Variants in PLEKHA8 observed in about 807,000 individuals in gnomAD.
The protein encoded by PLEKHA8 is pleckstrin homology domain containing A8.
In PLEKHA8, 36 loss-of-function variants were observed where a neutral mutation model predicts 68.2. The ratio of observed to expected loss-of-function variants is 0.53; its 90% CI spans 0.40 to 0.70. The LOEUF (loss-of-function observed/expected upper bound fraction) is 0.70. Among genes scored for constraint, PLEKHA8 ranks in the 30% least tolerant of loss-of-function variants. The probability of loss-of-function intolerance (pLI) is 0.00; values close to 1 mark genes in which losing one functional copy is unlikely to be tolerated. For missense variants in PLEKHA8, 505 were observed against 615.4 expected, an observed-to-expected ratio of 0.82 and a Z score of 1.90; for synonymous variants, 211 against 216.1, an observed-to-expected ratio of 0.98 and a Z score of 0.20.
intron 1 of PLEKHA8, among the ~76,000 whole-genome samples, chr7:30,035,666 A>G (rs1791007828): frequency 1.3e-5 from 2 of 151,886 alleles, no homozygotes; most frequent in African/African-American, 4.8e-5. Context: ...TTATTTTGAG[A>G]TGGAGTGTTG....
intron 13 of PLEKHA8, among the ~76,000 whole-genome samples, chr7:30,126,044 A>C (rs1274271794): frequency 6.6e-6 from 1 of 151,986 alleles, no homozygotes; most frequent in Non-Finnish European, 1.5e-5. Context: ...TACCAGTTAT[A>C]AATTAAAAAC....
chr7:30,034,508 T>C (rs190593554), intron 1 of PLEKHA8, among the ~76,000 whole-genome samples: 1 of 152,166 alleles, frequency 6.6e-6, no homozygotes, highest in Admixed American at 6.5e-5. Flanking sequence ...TTAACACATA[T>C]GTTATGTCAT....
chr7:30,118,612 C>G (rs1250524906), intron 13 of PLEKHA8, among the ~76,000 whole-genome samples: 1 of 149,280 alleles, frequency 6.7e-6, no homozygotes, highest in Non-Finnish European at 1.5e-5. Context: ...GAGTCTTGCT[C>G]TGTCGCCCAG....
intron 8 of PLEKHA8, 45 bp downstream of exon 8, chr7:30,054,910 C>G (rs1397792144): frequency 7.9e-6 from 12 of 1,519,662 alleles, no homozygotes; most frequent in African/African-American, 2.8e-5. Flanking sequence ...ATACTAACTT[C>G]CATTCTGGAA....
chr7:30,123,736 A>T (rs1224927138), intron 13 of PLEKHA8, among the ~76,000 whole-genome samples: 2 of 152,214 alleles, frequency 1.3e-5, no homozygotes, highest in Non-Finnish European at 2.9e-5. Context: ...GAGCCAGCAC[A>T]GAGGAAAACA....
In PLEKHA8 at chr7:30,110,745, G is replaced by A. The variant is rs115240006; in HGVS notation, c.1363-18521G>A. On this transcript the variant is annotated intron_variant, in intron 13 of 13. Coordinates refer to the PLEKHA8 transcript ENST00000396257. Reference sequence around the variant, plus strand: ...TATAGCCATCCTAGTGAGTGCAAGTGTGAAGTAGATATCTCATCATGGTTT... The same window carrying A: ...TATAGCCATCCTAGTGAGTGCAAGTATGAAGTAGATATCTCATCATGGTTT... 3.9e-3 allele frequency among the ~76,000 whole-genome samples: 592 copies of A among 152,272 alleles called. 5 individuals are homozygous for A. The highest frequency in any genetic ancestry group is 0.014 in the African/African-American group (578 of 41,544).
At chr7:30,084,879 C>G (rs1795113433), downstream of PLEKHA8, among the ~76,000 whole-genome samples, 1 of 152,042 alleles carries the variant, frequency 6.6e-6, no homozygotes, top group Non-Finnish European at 1.5e-5. Context: ...TAAGATCCCA[C>G]AGCTAGGAGG....
At chr7:30,037,001 C>T (rs914714463) in intron 1 of PLEKHA8, among the ~76,000 whole-genome samples, 2 of 152,184 alleles carry the variant, frequency 1.3e-5, no homozygotes, top group African/African-American at 4.8e-5. Flanking sequence ...GTCTGGAACT[C>T]CCCTAGAGAA....
chr7:30,084,512 T>C lies in PLEKHA8; in HGVS notation c.*5725T>C, dbSNP rs1018130061. The C allele has an allele frequency of 1.0e-6, 1 of 985,274 alleles. No individual in the cohort carries two copies. Among genetic ancestry groups the C allele is most frequent in the African/African-American group, 1.7e-5 (1 of 57,218 alleles). The allele number at this position is 985,274 out of a possible 1,614,324, so 61.0% of individuals were successfully genotyped here. A position where few individuals can be genotyped will look rare whatever the true frequency, so the allele number is the denominator to read the frequency against. ...CGACAGTTTCATGTTTAGATTTGTA[T>C]TGTTTCTCTGTCCAAGTCCTTATTC... On this transcript the variant is annotated 3_prime_UTR_variant, in exon 14 of 14. Transcript: ENST00000449726.
In PLEKHA8 at chr7:30,080,889, G is replaced by T; in HGVS notation, c.*2102G>T. The T allele has an allele frequency of 1.0e-6, 1 of 985,370 alleles. No individual in the cohort carries two copies. The highest frequency in any genetic ancestry group is 1.2e-6 in the Non-Finnish European group (1 of 829,906). The allele number at this position is 985,370 out of a possible 1,614,324, so 61.0% of individuals were successfully genotyped here. On this transcript the variant is annotated 3_prime_UTR_variant, in exon 14 of 14. Coordinates refer to ENST00000449726, the MANE Select transcript of PLEKHA8 (RefSeq NM_001197026.2). Reference sequence around the variant, plus strand: ...TGTACTTTGAATGAAGATGTTTTAGGCATTGTACCATTTAGCGGGGATGAT... The same window carrying T: ...TGTACTTTGAATGAAGATGTTTTAGTCATTGTACCATTTAGCGGGGATGAT...
At chr7:30,090,940 C>T (rs1795391480), downstream of PLEKHA8, among the ~76,000 whole-genome samples, 2 of 152,178 alleles carry the variant, frequency 1.3e-5, no homozygotes, top group Admixed American at 6.5e-5. Flanking sequence ...GCAGGAGGAT[C>T]GCTTGAGCCA....
Position 30,114,445 on chromosome 7 carries a change from G to A in PLEKHA8, c.1363-14821G>A, listed in dbSNP as rs566277943. Among the ~76,000 whole-genome samples, 45 of 152,366 alleles carry A rather than the reference G, an allele frequency of 3.0e-4. No homozygotes were observed. The South Asian group carries it at 3.9e-3, about 13-fold the overall frequency. On this transcript the variant is annotated intron_variant, in intron 13 of 13. Coordinates refer to the PLEKHA8 transcript ENST00000396257. Reference sequence around the variant, plus strand: ...ATTTGAACCCAGCACTTTAGCTTCAGTTTCTGCGCTCTTAGCTACCGTGCA... The same window carrying A: ...ATTTGAACCCAGCACTTTAGCTTCAATTTCTGCGCTCTTAGCTACCGTGCA...
chr7:30,124,557 C>G (rs899079168), intron 13 of PLEKHA8, among the ~76,000 whole-genome samples: 1 of 152,026 alleles, frequency 6.6e-6, no homozygotes, highest in Admixed American at 6.6e-5. Context: ...TTTTGGTAAG[C>G]CTTTTTCGTT....
In PLEKHA8 at chr7:30,064,939, G is replaced by A. The variant is rs556204573; in HGVS notation, c.1300+2197G>A. Among the ~76,000 whole-genome samples the A allele has an allele frequency of 3.6e-4, 55 of 152,260 alleles. 1 individual carries two copies. Among genetic ancestry groups the A allele is most frequent in the Middle Eastern group, 3.4e-3 (1 of 294 alleles). ...CCCATTTAGCCCACTGGAAGAGCTG[G>A]GGTGGAACGGAACCCAGCTGCTTAT... On this transcript the variant is annotated intron_variant, in intron 12 of 13. Coordinates refer to ENST00000449726, the MANE Select transcript of PLEKHA8 (RefSeq NM_001197026.2).
chr7:30,041,607 C>T (rs1392610871), intron 1 of PLEKHA8, among the ~76,000 whole-genome samples: 1 of 151,922 alleles, frequency 6.6e-6, no homozygotes, highest in East Asian at 1.9e-4. Context: ...GTTGACTAGG[C>T]TGGTTTTGAA....
chr7:30,063,114 G>A (rs1341815182), intron 12 of PLEKHA8, among the ~76,000 whole-genome samples: 1 of 152,186 alleles, frequency 6.6e-6, no homozygotes, highest in African/African-American at 2.4e-5. Flanking sequence ...ATAACAGCGG[G>A]TTGGCGTGGG....
At chr7:30,046,408 C>T (rs1791967707) in intron 3 of PLEKHA8, 43 bp downstream of exon 3, 7 of 1,520,244 alleles carry the variant, frequency 4.6e-6, no homozygotes, top group Non-Finnish European at 5.3e-6. Context: ...TTGGGAATCA[C>T]CCACTGGCAT....
chr7:30,037,004 C>T (rs982640182), intron 1 of PLEKHA8, among the ~76,000 whole-genome samples: 1 of 152,182 alleles, frequency 6.6e-6, no homozygotes, highest in Non-Finnish European at 1.5e-5. Flanking sequence ...TGGAACTCCC[C>T]TAGAGAAGCT....
chr7:30,033,139 A>C (rs1421850118), intron 1 of PLEKHA8, among the ~76,000 whole-genome samples: 1 of 152,252 alleles, frequency 6.6e-6, no homozygotes, highest in African/African-American at 2.4e-5. Context: ...TTAACATTTT[A>C]ACATCTTTAT....
Sources: gnomAD v4.1 joint callset for allele counts (sites outside exome capture counted in the v4.1 genomes callset) on GRCh38, gnomAD v4.1.1 for gene constraint, MANE v1.5 for transcripts, NCBI Gene and HGNC (gene_info 2026-07-23, HGNC 2026-07-21) for gene names.